The following SLIT3 variants were observed in gnomAD, a reference collection of about 807,000 sequenced individuals.
The protein encoded by SLIT3 is slit guidance ligand 3, also known as slit homolog 3 protein.
In SLIT3, 68 loss-of-function variants were observed where a neutral mutation model predicts 184.0. That is an observed-to-expected ratio of 0.37 (90% CI 0.30 to 0.45). The LOEUF is 0.45. SLIT3 is among the 20% of genes least tolerant of loss of function. SLIT3 has a pLI of 1.00. For synonymous variants in SLIT3, 831 were observed against 828.6 expected (o/e 1.00, Z -0.05); for missense variants, 1,707 against 2,026.0 (o/e 0.84, Z 3.02).
intron 4 of SLIT3, among the ~76,000 whole-genome samples, chr5:169,125,377 C>T (rs1335715061): frequency 6.6e-6 from 1 of 152,188 alleles, no homozygotes; most frequent in East Asian, 1.9e-4. Context: ...CTGTCTTAGC[C>T]ACCTGCATGC....
intron 18 of SLIT3, among the ~76,000 whole-genome samples, chr5:168,751,678 G>T (rs985010040): frequency 6.6e-6 from 1 of 151,766 alleles, no homozygotes; most frequent in African/African-American, 2.4e-5. Context: ...TGCCCAGAAA[G>T]CTGGGTTCTA....
At position 168,772,948 on chromosome 5, in the gene SLIT3, C is replaced by A. The variant is rs201298262; in HGVS notation, c.1296-4G>T. On this transcript the variant is annotated splice_polypyrimidine_tract_variant and splice_region_variant and intron_variant, in intron 13 of 35. Transcript: ENST00000519560. ...AAATGGGTTTTGGGCTAAGTGGCTG[C>A]GAGAGGGATGGGGCCGTTAATCAGG... 1.3e-6 allele frequency: 2 copies of A among 1,592,792 alleles called. No individual in the cohort carries two copies. The highest frequency in any genetic ancestry group is 1.3e-5 in the African/African-American group (1 of 74,300).
chr5:168,982,095 T>C (rs1754969924), intron 4 of SLIT3, among the ~76,000 whole-genome samples: 1 of 152,244 alleles, frequency 6.6e-6, no homozygotes, highest in African/African-American at 2.4e-5. Flanking sequence ...CTTCTAATTA[T>C]GTGCATTCTG....
chr5:168,841,422 A>G (rs1370463017), intron 6 of SLIT3, among the ~76,000 whole-genome samples: 1 of 152,166 alleles, frequency 6.6e-6, no homozygotes, highest in Non-Finnish European at 1.5e-5. Context: ...GGAAGGAATG[A>G]GAAGTTTCGC....
At chr5:169,103,823 C>T (rs10041370) in intron 4 of SLIT3, among the ~76,000 whole-genome samples, 4,295 of 152,264 alleles carry the variant, frequency 0.028, 119 homozygotes, top group African/African-American at 0.069. Context: ...CTTCAGCTCC[C>T]GACCTCGTCT....
intron 9 of SLIT3, among the ~76,000 whole-genome samples, chr5:168,806,017 G>C (rs1272459423): frequency 6.6e-6 from 1 of 152,210 alleles, no homozygotes; most frequent in Non-Finnish European, 1.5e-5. Context: ...GTATGGCCAG[G>C]ATACAAATAC....
chr5:169,235,081 T>G (rs1765148324), intron 3 of SLIT3, among the ~76,000 whole-genome samples: 1 of 152,334 alleles, frequency 6.6e-6, no homozygotes, highest in South Asian at 2.1e-4. Flanking sequence ...TAAGAACATT[T>G]TCTTGAATAG....
intron 1 of SLIT3, among the ~76,000 whole-genome samples, chr5:169,274,420 A>G (rs946294220): frequency 6.6e-6 from 1 of 152,232 alleles, no homozygotes; most frequent in African/African-American, 2.4e-5. Context: ...TTAGAGGCCA[A>G]CCACGCAGAG....
At chr5:168,891,095 T>C (rs937078544) in intron 4 of SLIT3, among the ~76,000 whole-genome samples, 2 of 152,252 alleles carry the variant, frequency 1.3e-5, no homozygotes, top group Admixed American at 6.5e-5. Context: ...ATGCAGTATA[T>C]AATGCAAATT....
intron 4 of SLIT3, among the ~76,000 whole-genome samples, chr5:168,958,774 GGAA>G (rs1225102870): frequency 1.3e-5 from 2 of 152,350 alleles, no homozygotes; most frequent in Non-Finnish European, 2.9e-5. Flanking sequence ...GTGCTGTGGT[GGAA>G]GAAGGTGTCA....
At chr5:169,185,423 C>G (rs1434245115) in intron 4 of SLIT3, among the ~76,000 whole-genome samples, 1 of 152,202 alleles carries the variant, frequency 6.6e-6, no homozygotes, top group Non-Finnish European at 1.5e-5. Flanking sequence ...TCTCCGCATC[C>G]AGCTTCAGGC....
intron 5 of SLIT3, among the ~76,000 whole-genome samples, chr5:168,870,014 GC>G (rs1759453141): frequency 6.6e-6 from 1 of 152,232 alleles, no homozygotes; most frequent in Non-Finnish European, 1.5e-5. Flanking sequence ...CTCCGTGCCG[GC>G]ACGGCAGGCG....
chr5:169,204,515 G>C (rs184659115), intron 3 of SLIT3, among the ~76,000 whole-genome samples: 1 of 152,294 alleles, frequency 6.6e-6, no homozygotes, highest in Admixed American at 6.5e-5. Flanking sequence ...GAATGACATA[G>C]GAGCGAGGCA....
intron 32 of SLIT3, among the ~76,000 whole-genome samples, chr5:168,682,058 T>C (rs775732893): frequency 2.4e-4 from 36 of 152,174 alleles, no homozygotes; most frequent in Non-Finnish European, 2.9e-5. Context: ...CCTCCTTGGC[T>C]CTCTGTCCTC....
At chr5:169,271,610 C>T (rs1766618186) in intron 1 of SLIT3, among the ~76,000 whole-genome samples, 1 of 152,218 alleles carries the variant, frequency 6.6e-6, no homozygotes. Context: ...AAAACACAAG[C>T]ACGTGGATGG....
chr5:168,896,773 A>AG (rs1760678727), intron 4 of SLIT3, among the ~76,000 whole-genome samples: 1 of 152,196 alleles, frequency 6.6e-6, no homozygotes, highest in South Asian at 2.1e-4. Context: ...AGGGAAAAGA[A>AG]GGGGGGCCTG....
chr5:168,910,145 C>G (rs1761207152), intron 4 of SLIT3, among the ~76,000 whole-genome samples: 1 of 152,114 alleles, frequency 6.6e-6, no homozygotes, highest in African/African-American at 2.4e-5. Flanking sequence ...TGATGGGTCA[C>G]TTTAGAGTAT....
chr5:169,272,338 G>GT (rs1179011953), intron 1 of SLIT3, among the ~76,000 whole-genome samples: 1 of 152,240 alleles, frequency 6.6e-6, no homozygotes, highest in Non-Finnish European at 1.5e-5. Flanking sequence ...AGCTGGGCAT[G>GT]CAGTCCCTAG....
At chr5:168,729,578 C>T (rs1370816068) in intron 20 of SLIT3, among the ~76,000 whole-genome samples, 1 of 151,770 alleles carries the variant, frequency 6.6e-6, no homozygotes, top group East Asian at 1.9e-4. Context: ...AAAGTCCTTC[C>T]CTGACAAGCA....
Sources: gnomAD v4.1 joint callset for allele counts (sites outside exome capture counted in the v4.1 genomes callset) on GRCh38, gnomAD v4.1.1 for gene constraint, MANE v1.5 for transcripts, NCBI Gene and HGNC (gene_info 2026-07-23, HGNC 2026-07-21) for gene names.